SCYL2: variants seen among roughly 807,000 people sequenced by gnomAD.
SCYL2 encodes the protein SCY1-like protein 2.
A neutral mutation model predicts 100.4 loss-of-function variants in SCYL2; 36 were observed. The observed-to-expected ratio is 0.36, with a 90% confidence interval of 0.27 to 0.47. The LOEUF (loss-of-function observed/expected upper bound fraction) is 0.47, where lower values mean the gene tolerates loss of function less well. Among genes scored for constraint, SCYL2 ranks in the 20% least tolerant of loss-of-function variants. The pLI, the probability that SCYL2 is intolerant of heterozygous loss-of-function variation, is 1.00. For synonymous variants in SCYL2, 330 were observed against 359.2 expected (o/e 0.92, Z 0.92); for missense variants, 902 against 1,083.9 (o/e 0.83, Z 2.36).
In SCYL2 at chr12:100,315,569, G is replaced by A. The variant is rs750482994; in HGVS notation, c.1107G>A (p.Val369=). The A allele has an allele frequency of 6.3e-7, 1 of 1,593,918 alleles. No individual in the cohort carries two copies. The highest frequency in any genetic ancestry group is 1.2e-5 in the South Asian group (1 of 85,256). The change falls in exon 9 of 18, where the codon GTG becomes GTA. Residue 369 remains valine, a synonymous_variant. Coordinates refer to ENST00000360820, the MANE Select transcript of SCYL2 (RefSeq NM_017988.6). ...TTTTTGCCTTTCAGCGTGTCATTGT[G>A]CAGAGAATTTTGCCTTGTTTGACTT... ...VLPKLPKRVI[V]QRILPCLTSE...
chr12:100,320,574 A>AAATG (rs908963729), intron 10 of SCYL2, among the ~76,000 whole-genome samples: 4 of 148,862 alleles, frequency 2.7e-5, no homozygotes, highest in African/African-American at 7.6e-5. Flanking sequence ...ATAAATAAAT[A>AAATG]AATAAATAAA....
intron 3 of SCYL2, among the ~76,000 whole-genome samples, chr12:100,294,321 T>C (rs1487645980): frequency 9.7e-6 from 1 of 102,882 alleles, no homozygotes; most frequent in East Asian, 3.4e-4. Flanking sequence ...CACTTCCCAG[T>C]AGGGGCGGCT....
intron 8 of SCYL2, among the ~76,000 whole-genome samples, chr12:100,314,915 G>A (rs993065603): frequency 5.3e-5 from 8 of 152,180 alleles, no homozygotes; most frequent in African/African-American, 1.9e-4. Context: ...AGCAGTTAAA[G>A]GGGTACTTCT....
intron 1 of SCYL2, among the ~76,000 whole-genome samples, chr12:100,270,955 A>C (rs772396054): frequency 6.6e-6 from 1 of 151,434 alleles, no homozygotes; most frequent in Non-Finnish European, 1.5e-5. Context: ...TCAGTTTTTT[A>C]TGTTCGTTTT....
At chr12:100,287,691 A>AT (rs556716427) in intron 2 of SCYL2, among the ~76,000 whole-genome samples, 40 of 152,318 alleles carry the variant, frequency 2.6e-4, no homozygotes, top group African/African-American at 7.2e-4. Context: ...TGTTCTAATA[A>AT]TTTTTTGTAT....
chr12:100,281,254 C>T (rs1248821703), intron 1 of SCYL2, among the ~76,000 whole-genome samples: 4 of 151,940 alleles, frequency 2.6e-5, no homozygotes, highest in African/African-American at 7.3e-5. Flanking sequence ...GTCTTGAACT[C>T]GTGAGCTCAA....
At chr12:100,277,842 T>C (rs528961897) in intron 1 of SCYL2, among the ~76,000 whole-genome samples, 43 of 152,284 alleles carry the variant, frequency 2.8e-4, no homozygotes, top group African/African-American at 1.0e-3. Flanking sequence ...TAACTAAATT[T>C]TATCTCTACA....
chr12:100,301,583 T>G (rs1221733647), intron 4 of SCYL2, among the ~76,000 whole-genome samples: 1 of 152,270 alleles, frequency 6.6e-6, no homozygotes, highest in Admixed American at 6.5e-5. Context: ...GGACAATGTG[T>G]ATTCTGTAGC....
intron 9 of SCYL2, among the ~76,000 whole-genome samples, chr12:100,317,335 T>C (rs2096350098): frequency 2.0e-5 from 3 of 152,160 alleles, no homozygotes; most frequent in Non-Finnish European, 4.4e-5. Context: ...AATTCCCCTG[T>C]TTCAGCCGCC....
At chr12:100,288,985 G>A (rs1020179775) in intron 2 of SCYL2, among the ~76,000 whole-genome samples, 2 of 151,938 alleles carry the variant, frequency 1.3e-5, no homozygotes, top group Non-Finnish European at 2.9e-5. Context: ...AAGATTACAG[G>A]CGTGAGCTAC....
rs148270438 is a variant in SCYL2, at chr12:100,278,328, T to C, written c.-28-4615T>C. ...GATTCTTCTGCCTCAGCCTCCTGAG[T>C]AGATGAGACTACAGTCAGATGACAC... On this transcript the variant is annotated intron_variant, in intron 1 of 17. Transcript: ENST00000360820. Among the ~76,000 whole-genome samples the C allele has an allele frequency of 5.1e-4, 77 of 152,150 alleles. 2 individuals carry two copies. The highest frequency in any genetic ancestry group is 3.4e-3 in the Middle Eastern group (1 of 294).
At chr12:100,300,525 A>G (rs2096326343) in intron 4 of SCYL2, among the ~76,000 whole-genome samples, 1 of 152,020 alleles carries the variant, frequency 6.6e-6, no homozygotes, top group South Asian at 2.1e-4. Flanking sequence ...TTTTAAATGT[A>G]CAATTAAATT....
At chr12:100,328,387 A>G (rs139734711) in intron 12 of SCYL2, among the ~76,000 whole-genome samples, 188 of 152,326 alleles carry the variant, frequency 1.2e-3, no homozygotes, top group African/African-American at 4.2e-3. Context: ...TATTTATCCA[A>G]TGAGGATGAG....
At chr12:100,320,781 T>A (rs76821268) in intron 10 of SCYL2, among the ~76,000 whole-genome samples, 4,952 of 152,246 alleles carry the variant, frequency 0.033, 99 homozygotes, top group African/African-American at 0.059. Context: ...TCTGCCTATC[T>A]CTGTCTCTCT....
At chr12:100,278,533 C>T (rs999873796) in intron 1 of SCYL2, among the ~76,000 whole-genome samples, 1 of 152,078 alleles carries the variant, frequency 6.6e-6, no homozygotes, top group South Asian at 2.1e-4. Context: ...TTTTCCCCAA[C>T]CTGTAGAATT....
intron 10 of SCYL2, among the ~76,000 whole-genome samples, chr12:100,323,041 A>G (rs942229703): frequency 6.6e-6 from 1 of 151,894 alleles, no homozygotes; most frequent in Non-Finnish European, 1.5e-5. Flanking sequence ...AAAAAAAAAA[A>G]AAAAAAAATT....
At chr12:100,308,355 G>A (rs936213134) in intron 4 of SCYL2, among the ~76,000 whole-genome samples, 2 of 152,160 alleles carry the variant, frequency 1.3e-5, no homozygotes, top group Admixed American at 6.5e-5. Context: ...GATGAAGCTG[G>A]AAACTATCAT....
chr12:100,317,052 C>T (rs530892242), intron 9 of SCYL2, among the ~76,000 whole-genome samples: 2 of 151,284 alleles, frequency 1.3e-5, no homozygotes, highest in African/African-American at 2.4e-5. Flanking sequence ...GCTATGATCG[C>T]GCCACTGCGC....
chr12:100,286,578 A>G lies in SCYL2; in HGVS notation c.177+3431A>G, dbSNP rs146819497. Among the ~76,000 whole-genome samples, 4 of 152,222 alleles carry G rather than the reference A, an allele frequency of 2.6e-5. No individual in the cohort carries two copies. In the East Asian group the frequency reaches 7.7e-4, roughly 29 times the overall value. ...AGGGGCTTCATAACACCTCCCTGAAATGACTGTTTCTGTGAGGATAGTGAA... is the reference window on the plus strand; with the variant it reads ...AGGGGCTTCATAACACCTCCCTGAAGTGACTGTTTCTGTGAGGATAGTGAA... On this transcript the variant is annotated intron_variant, in intron 2 of 17. Coordinates refer to ENST00000360820, the MANE Select transcript of SCYL2 (RefSeq NM_017988.6).
Sources: gnomAD v4.1 joint callset for allele counts (sites outside exome capture counted in the v4.1 genomes callset) on GRCh38, gnomAD v4.1.1 for gene constraint, MANE v1.5 for transcripts, NCBI Gene and HGNC (gene_info 2026-07-23, HGNC 2026-07-21) for gene names.